Variants in GNA15 observed in about 807,000 individuals in gnomAD.
The protein encoded by GNA15 is guanine nucleotide-binding protein subunit alpha-15.
GNA15 carries 23 observed loss-of-function variants against 40.1 expected under a neutral mutation model. The ratio of observed to expected loss-of-function variants is 0.57; its 90% CI spans 0.41 to 0.81. The LOEUF is 0.81. Among genes scored for constraint, GNA15 ranks in the 40% least tolerant of loss-of-function variants. The pLI, the probability that GNA15 is intolerant of heterozygous loss-of-function variation, is 0.00. For missense variants in GNA15, 522 were observed against 515.8 expected, an observed-to-expected ratio of 1.01 and a Z score of -0.12; for synonymous variants, 226 against 210.4, an observed-to-expected ratio of 1.07 and a Z score of -0.64.
At position 3,148,656 on chromosome 19, in the gene GNA15, T is replaced by A; in HGVS notation, c.211T>A (p.Ser71Thr). 6.3e-7 allele frequency: 1 copy of A among 1,591,016 alleles called. No homozygotes were observed. Among genetic ancestry groups the A allele is most frequent in the Middle Eastern group, 1.7e-4 (1 of 6,034 alleles). ...QMRIIHGAGY[S>T]EEERKGFRPL... ...GCGGATCATCCACGGCGCCGGCTACTCGGAGGAGGAGCGCAAGGGCTTCCG... is the reference window on the plus strand; with the variant it reads ...GCGGATCATCCACGGCGCCGGCTACACGGAGGAGGAGCGCAAGGGCTTCCG... Residue 71 changes from serine (S) to threonine (T), a missense_variant, in exon 2 of 7, where the codon TCG becomes ACG. By Grantham distance (58) the Ser-to-Thr change is moderately conservative. Transcript: ENST00000262958.
Position 3,136,222 on chromosome 19 carries a change from G to A in GNA15, c.-229G>A, listed in dbSNP as rs1480627396. On this transcript the variant is annotated 5_prime_UTR_variant, in exon 1 of 7. Coordinates refer to ENST00000262958, the MANE Select transcript of GNA15 (RefSeq NM_002068.4). The surrounding 1 kb of genome is among the most constrained non-coding windows in gnomAD (Gnocchi z 4.9). ...AGCCCTGGCCTCCCCACCTCCTCCC[G>A]TCCCCACCCTGTTCCCAGCACTCAA... is the stretch of plus-strand genomic sequence containing the variant. The A allele has an allele frequency of 1.5e-5, 7 of 477,682 alleles. No homozygotes were observed. The highest frequency in any genetic ancestry group is 1.2e-4 in the South Asian group (5 of 42,528). The allele number at this position is 477,682 out of a possible 1,614,324, so 29.6% of individuals were successfully genotyped here. A position where few individuals can be genotyped will look rare whatever the true frequency, so the allele number is the denominator to read the frequency against.
At position 3,151,456 on chromosome 19, in the gene GNA15, C is replaced by A. The variant is rs1299680395; in HGVS notation, c.486-251C>A. Among the ~76,000 whole-genome samples the A allele has an allele frequency of 6.6e-6, 1 of 152,136 alleles. No individual in the cohort carries two copies. Among genetic ancestry groups the A allele is most frequent in the Non-Finnish European group, 1.5e-5 (1 of 67,998 alleles). On this transcript the variant is annotated intron_variant, in intron 3 of 6. Coordinates refer to ENST00000262958, the MANE Select transcript of GNA15 (RefSeq NM_002068.4). This position sits in a 1 kb window ranked among gnomAD's most constrained non-coding sequence, Gnocchi z 5.0. ...AGCAGCTCTCCCGGGGGACACCACT[C>A]CTCGATGAGGCCATTCCTCATGTCA... is the stretch of plus-strand genomic sequence containing the variant.
intron 3 of GNA15, 71 bp downstream of exon 3, chr19:3,150,356 C>T: frequency 7.5e-7 from 1 of 1,333,252 alleles, no homozygotes; most frequent in East Asian, 2.5e-5. Context: ...TGGCTGGCTT[C>T]CTGCAGCAGG....
At chr19:3,148,543 G>A in intron 1 of GNA15, 48 bp from the exon 2 acceptor site, 2 of 1,497,644 alleles carry the variant, frequency 1.3e-6, no homozygotes, top group Non-Finnish European at 1.8e-6. Flanking sequence ...GGGTGTCGGG[G>A]GTGGGAGTCC....
chr19:3,139,916 C>A (rs543691589), intron 1 of GNA15, among the ~76,000 whole-genome samples: 1 of 151,654 alleles, frequency 6.6e-6, no homozygotes, highest in East Asian at 1.9e-4. Flanking sequence ...CACCTGTAGT[C>A]CCAGCTACTT....
intron 6 of GNA15, among the ~76,000 whole-genome samples, chr19:3,160,056 C>T (rs1364699604): frequency 6.6e-6 from 1 of 152,204 alleles, no homozygotes; most frequent in Non-Finnish European, 1.5e-5. Flanking sequence ...CATCCCCAAA[C>T]TTAGTGACTT....
At position 3,148,604 on chromosome 19, in the gene GNA15, C is replaced by A. The variant is rs912651393; in HGVS notation, c.159C>A (p.Ser53Arg). The A allele has an allele frequency of 1.3e-6, 2 of 1,579,732 alleles. No individual in the cohort carries two copies. Among genetic ancestry groups the A allele is most frequent in the Admixed American group, 3.6e-5 (2 of 55,478 alleles). Reference sequence around the variant, plus strand: ...CTCCATCCCCAGGCCCAGGCGAGAGCGGGAAGAGCACCTTCATCAAGCAGA... The same window carrying A: ...CTCCATCCCCAGGCCCAGGCGAGAGAGGGAAGAGCACCTTCATCAAGCAGA... Reference protein sequence around the residue: ...LKLLLLGPGESGKSTFIKQMR... With the variant: ...LKLLLLGPGERGKSTFIKQMR... Residue 53 changes from serine (S) to arginine (R), a missense_variant, in exon 2 of 7, where the codon AGC (serine) becomes AGA (arginine). Transcript: ENST00000262958.
chr19:3,145,351 ATATATATAT>A (rs922095163), intron 1 of GNA15, among the ~76,000 whole-genome samples: 4 of 33,736 alleles, frequency 1.2e-4, no homozygotes, highest in Non-Finnish European at 2.2e-4. Flanking sequence ...ATATATATAT[ATATATATAT>A]TTTTTTTTTT....
chr19:3,156,163 G>GACACACAC (rs141415003), intron 5 of GNA15, among the ~76,000 whole-genome samples: 2,600 of 136,004 alleles, frequency 0.019, 76 homozygotes, highest in African/African-American at 0.06. Flanking sequence ...CAGGACCCCA[G>GACACACAC]ACACACACAC....
At chr19:3,148,867 T>C (rs1599324528) in intron 2 of GNA15, 92 bp downstream of exon 2, 1 of 1,200,276 alleles carries the variant, frequency 8.3e-7, no homozygotes, top group Non-Finnish European at 1.2e-6. Flanking sequence ...TCCCCAGACT[T>C]CAGGGCAGGG....
rs1246205626 is a variant in GNA15, at chr19:3,162,790, C to A, written c.899-3C>A. ...TCACCCCCTTCCCACACTGTTTCCC[C>A]AGGCCCTAAGCAGGATGCTGAGGCA... is the stretch of plus-strand genomic sequence containing the variant. On this transcript the variant is annotated splice_polypyrimidine_tract_variant and splice_region_variant and intron_variant, in intron 6 of 6. Transcript: ENST00000262958. 3 of 1,608,930 alleles carry A rather than the reference C, an allele frequency of 1.9e-6. No individual in the cohort carries two copies. The African/African-American group carries it at 4.0e-5, about 22-fold the overall frequency.
chr19:3,139,287 G>A (rs1301029597), intron 1 of GNA15, among the ~76,000 whole-genome samples: 17 of 151,958 alleles, frequency 1.1e-4, no homozygotes, highest in Admixed American at 1.1e-3. Flanking sequence ...CTTACTGAAC[G>A]AGATAAAAGA....
chr19:3,145,129 AG>A, intron 1 of GNA15, among the ~76,000 whole-genome samples: 1 of 151,174 alleles, frequency 6.6e-6, no homozygotes, highest in East Asian at 1.9e-4. Flanking sequence ...CTGGGATTAC[AG>A]GCATGAGCCA....
chr19:3,146,978 C>T (rs962488925), intron 1 of GNA15, among the ~76,000 whole-genome samples: 7 of 151,854 alleles, frequency 4.6e-5, no homozygotes, highest in Admixed American at 6.6e-5. Context: ...ATGCCAGGTG[C>T]GGCCCTGCCC....
rs575093003 is a variant in GNA15 at position 3,163,009 on chromosome 19, A to G, written c.1115A>G (p.Asn372Ser). ...CTCGCCCGCTACCTGGACGAGATCA[A>G]CCTGCTGTGACCCAGGCCCCACCTG... is the stretch of plus-strand genomic sequence containing the variant. ...SVLARYLDEINLL is the reference protein window; with the variant it reads ...SVLARYLDEISLL The change falls in exon 7 of 7, where the codon AAC becomes AGC. Residue 372 changes from asparagine (N) to serine (S), a missense_variant. Physicochemically the swap from Asn to Ser is conservative, Grantham distance 46. Transcript: ENST00000262958. The G allele has an allele frequency of 1.2e-6, 2 of 1,611,894 alleles. No individual in the cohort carries two copies. Among genetic ancestry groups the G allele is most frequent in the South Asian group, 2.2e-5 (2 of 91,044 alleles).
intron 3 of GNA15, among the ~76,000 whole-genome samples, chr19:3,150,780 TG>T (rs1188980256): frequency 1.3e-5 from 2 of 151,170 alleles, no homozygotes; most frequent in East Asian, 3.9e-4. Flanking sequence ...ACCCTGATCC[TG>T]GGGGGAACCC....
At chr19:3,156,759 G>A (rs1391629225) in intron 5 of GNA15, among the ~76,000 whole-genome samples, 2 of 151,976 alleles carry the variant, frequency 1.3e-5, no homozygotes, top group East Asian at 3.9e-4. Context: ...GCCTCCCAAA[G>A]TGCTGGGATT....
chr19:3,145,773 C>G (rs1370537366), intron 1 of GNA15, among the ~76,000 whole-genome samples: 1 of 150,058 alleles, frequency 6.7e-6, no homozygotes, highest in Non-Finnish European at 1.5e-5. Context: ...GTCTCGAACT[C>G]CTGACCTCAA....
intron 6 of GNA15, 147 bp from the exon 7 acceptor site, chr19:3,162,646 A>G (rs1377104736): frequency 6.5e-6 from 4 of 616,798 alleles, no homozygotes; most frequent in Non-Finnish European, 1.2e-5. Flanking sequence ...ACCAGCTATG[A>G]CTACAAAAGA....
Sources: gnomAD v4.1 joint callset for allele counts (sites outside exome capture counted in the v4.1 genomes callset) on GRCh38, gnomAD v4.1.1 for gene constraint, Gnocchi (gnomAD v3.1) non-coding constraint, MANE v1.5 for transcripts, NCBI Gene and HGNC (gene_info 2026-07-23, HGNC 2026-07-21) for gene names.